Variants in DAB1 observed in about 807,000 individuals in gnomAD.
The protein encoded by DAB1 is disabled homolog 1.
Under a neutral mutation model 64.6 loss-of-function variants are expected in DAB1, and 15 were observed. The observed-to-expected ratio is 0.23, with a 90% confidence interval of 0.16 to 0.36. The LOEUF is 0.36. Among genes scored for constraint, DAB1 ranks in the 10% least tolerant of loss-of-function variants. The probability of loss-of-function intolerance (pLI) is 1.00; values close to 1 mark genes in which losing one functional copy is unlikely to be tolerated. For missense variants in DAB1, 596 were observed against 706.7 expected, an observed-to-expected ratio of 0.84 and a Z score of 1.78; for synonymous variants, 235 against 251.9, an observed-to-expected ratio of 0.93 and a Z score of 0.64.
At chr1:57,017,571 G>A (rs1414518516) in intron 11 of DAB1, among the ~76,000 whole-genome samples, 4 of 152,148 alleles carry the variant, frequency 2.6e-5, no homozygotes, top group South Asian at 2.1e-4. Flanking sequence ...CTCTCATGCC[G>A]TGCTTCCCTA....
intron 6 of DAB1, among the ~76,000 whole-genome samples, chr1:57,817,513 G>C (rs985810076): frequency 2.0e-5 from 3 of 152,194 alleles, no homozygotes; most frequent in African/African-American, 7.2e-5. Flanking sequence ...AGGAGGAGCT[G>C]CCTGGGGCTC....
chr1:57,324,883 T>C (rs1012008283), intron 1 of DAB1, among the ~76,000 whole-genome samples: 12 of 152,228 alleles, frequency 7.9e-5, no homozygotes, highest in Non-Finnish European at 1.6e-4. Context: ...CCCTCCTTCA[T>C]GTTCCAGCCA....
intron 1 of DAB1, among the ~76,000 whole-genome samples, chr1:57,868,742 G>T (rs1015576408): frequency 2.6e-5 from 4 of 152,048 alleles, no homozygotes; most frequent in South Asian, 2.1e-4. Flanking sequence ...CACATAGTAG[G>T]CACTTTATGC....
intron 7 of DAB1, among the ~76,000 whole-genome samples, chr1:57,445,656 T>A (rs2101142038): frequency 6.6e-6 from 1 of 152,354 alleles, no homozygotes; most frequent in East Asian, 1.9e-4. Context: ...CGACATTAGA[T>A]AGACATTTAC....
At chr1:57,637,048 C>T (rs913336926) in intron 7 of DAB1, among the ~76,000 whole-genome samples, 4 of 152,000 alleles carry the variant, frequency 2.6e-5, no homozygotes, top group African/African-American at 9.7e-5. Flanking sequence ...TATGCAGGGG[C>T]TTTTTTTATA....
intron 5 of DAB1, among the ~76,000 whole-genome samples, chr1:57,979,125 G>T (rs752281558): frequency 2.6e-5 from 4 of 152,184 alleles, no homozygotes; most frequent in Non-Finnish European, 4.4e-5. Context: ...TATGTTTATT[G>T]CAGTACTATT....
intron 5 of DAB1, among the ~76,000 whole-genome samples, chr1:58,104,644 A>G (rs540957644): frequency 2.2e-4 from 33 of 152,266 alleles, no homozygotes; most frequent in African/African-American, 7.7e-4. Context: ...CCTTTAACCT[A>G]TTTATTTAAT....
At chr1:57,037,533 G>A (rs1009856704) in intron 9 of DAB1, among the ~76,000 whole-genome samples, 1 of 152,178 alleles carries the variant, frequency 6.6e-6, no homozygotes, top group Non-Finnish European at 1.5e-5. Context: ...CCATTTAGAA[G>A]GCTCAAGAGA....
chr1:58,425,545 C>T (rs1484878009), intron 3 of DAB1, among the ~76,000 whole-genome samples: 2 of 152,046 alleles, frequency 1.3e-5, no homozygotes, highest in Admixed American at 1.3e-4. Context: ...GTAACTAGAG[C>T]CTTTAGGGCA....
rs555441239 is a variant in DAB1, at chr1:57,287,224, G to A, written c.67+3740C>T. 7.9e-5 allele frequency among the ~76,000 whole-genome samples: 12 copies of A among 152,158 alleles called. No homozygotes were observed. In the South Asian group the frequency reaches 1.0e-3, roughly 13 times the overall value. On this transcript the variant is annotated intron_variant, in intron 2 of 14. Transcript: ENST00000371236. ...GTAGCTGGGACTACTGGCATGCGCC[G>A]CCATGCCTGGCCATTCTTTGCATTT...
In DAB1 at chr1:57,057,838, G is replaced by A. The variant is rs1299161218; in HGVS notation, c.723+5046C>T. On this transcript the variant is annotated intron_variant, in intron 9 of 14. Transcript: ENST00000371236. ...TTAGCCAGGATGGTCTCGATCTCCT[G>A]ACCTCCTGATCCGCCCGCCTTGGCC... 5.9e-5 allele frequency among the ~76,000 whole-genome samples: 9 copies of A among 152,028 alleles called. No homozygotes were observed. In the South Asian group the frequency reaches 1.2e-3, roughly 21 times the overall value.
chr1:57,631,174 T>C (rs1645985084), intron 7 of DAB1, among the ~76,000 whole-genome samples: 1 of 152,188 alleles, frequency 6.6e-6, no homozygotes, highest in Non-Finnish European at 1.5e-5. Context: ...GTATAGTCTT[T>C]ATTGGGATGG....
chr1:57,078,268 AAG>A (rs1033341059), intron 4 of DAB1, among the ~76,000 whole-genome samples: 1 of 152,176 alleles, frequency 6.6e-6, no homozygotes, highest in African/African-American at 2.4e-5. Context: ...TCTCTCGCTG[AAG>A]AGGTGGTGTG....
At chr1:57,911,040 C>T (rs924789856) in intron 5 of DAB1, among the ~76,000 whole-genome samples, 1 of 152,172 alleles carries the variant, frequency 6.6e-6, no homozygotes, top group Non-Finnish European at 1.5e-5. Context: ...ATCATTCATC[C>T]ACCTGTCATC....
intron 5 of DAB1, among the ~76,000 whole-genome samples, chr1:58,121,230 C>A (rs1182425268): frequency 6.6e-6 from 1 of 152,096 alleles, no homozygotes; most frequent in African/African-American, 2.4e-5. Context: ...GCCAGAGTAA[C>A]CTTCCAAAAC....
intron 5 of DAB1, among the ~76,000 whole-genome samples, chr1:58,010,986 G>T (rs1022103812): frequency 2.0e-5 from 3 of 152,188 alleles, no homozygotes; most frequent in African/African-American, 7.2e-5. Flanking sequence ...TGAGGCAGTG[G>T]TAACTACTAT....
At chr1:57,495,264 C>T (rs912843968) in intron 7 of DAB1, among the ~76,000 whole-genome samples, 1 of 152,150 alleles carries the variant, frequency 6.6e-6, no homozygotes, top group African/African-American at 2.4e-5. Flanking sequence ...TTATGTACCA[C>T]CAGGACAAAA....
At chr1:58,460,777 T>G (rs1645236498) in intron 3 of DAB1, among the ~76,000 whole-genome samples, 1 of 152,184 alleles carries the variant, frequency 6.6e-6, no homozygotes, top group Admixed American at 6.5e-5. Flanking sequence ...GCCTTTCAAT[T>G]TAGATATTTA....
At chr1:57,265,699 A>C (rs936460931) in intron 2 of DAB1, among the ~76,000 whole-genome samples, 3 of 152,276 alleles carry the variant, frequency 2.0e-5, no homozygotes, top group Middle Eastern at 3.4e-3. Context: ...TTATTGAAAA[A>C]CCAGCACTCG....
Sources: allele counts gnomAD v4.1 joint callset (sites outside exome capture counted in the v4.1 genomes callset), GRCh38; gene constraint gnomAD v4.1.1; transcripts MANE v1.5; gene names NCBI Gene and HGNC (gene_info 2026-07-23, HGNC 2026-07-21).